CYP26B1: variants seen among roughly 807,000 people sequenced by gnomAD.
CYP26B1 encodes the protein cytochrome P450 family 26 subfamily B member 1.
Under a neutral mutation model 39.1 loss-of-function variants are expected in CYP26B1, and 8 were observed. The ratio of observed to expected loss-of-function variants is 0.20; its 90% CI spans 0.12 to 0.37. CYP26B1 has a LOEUF of 0.37. CYP26B1 is among the 10% of genes least tolerant of loss of function. The pLI is 1.00. For missense variants in CYP26B1, 615 were observed against 707.0 expected (o/e 0.87, Z 1.48); for synonymous variants, 321 against 314.3 (o/e 1.02, Z -0.23).
At position 72,147,600 on chromosome 2, in the gene CYP26B1, C is replaced by T. The variant is rs1310103482; in HGVS notation, c.204+31G>A. On this transcript the variant is annotated intron_variant, in intron 1 of 5. Transcript: ENST00000001146. This position sits in a 1 kb window ranked among gnomAD's most constrained non-coding sequence, Gnocchi z 6.1. Reference sequence around the variant, plus strand: ...GCCCCGCGCTCGCAGCTAGCGGACCCCGGAGTGCAGCGGAGCGAGCGCGCC... The same window carrying T: ...GCCCCGCGCTCGCAGCTAGCGGACCTCGGAGTGCAGCGGAGCGAGCGCGCC... The T allele has an allele frequency of 2.5e-6, 4 of 1,589,510 alleles. No homozygotes were observed. The highest frequency in any genetic ancestry group is 3.4e-6 in the Non-Finnish European group (4 of 1,170,670).
chr2:72,138,414 GACTCGGGC>G (rs1004868738), intron 2 of CYP26B1, among the ~76,000 whole-genome samples: 1 of 152,214 alleles, frequency 6.6e-6, no homozygotes, highest in Non-Finnish European at 1.5e-5. Flanking sequence ...CTGGGGTCAG[GACTCGGGC>G]ACACTGGGAA....
chr2:72,135,289 T>A lies in CYP26B1; in HGVS notation c.560A>T (p.Lys187Met), dbSNP rs777202035. Residue 187 changes from lysine (K) to methionine (M), a missense_variant, in exon 3 of 6, where the codon AAG becomes ATG. Physicochemically the swap from Lys to Met is moderately conservative, Grantham distance 95. Transcript: ENST00000001146. ...CCGGATGGCCATGCGGAAGGTCAGC[T>A]TCTGCGCCTCCTGGTACACGTTGAT... ...EAINVYQEAQ[K>M]LTFRMAIRVL... 1.2e-6 allele frequency: 2 copies of A among 1,614,078 alleles called. No homozygotes were observed. The highest frequency in any genetic ancestry group is 1.7e-6 in the Non-Finnish European group (2 of 1,180,034).
chr2:72,132,224 G>T lies in CYP26B1; in HGVS notation c.*3C>A. The T allele has an allele frequency of 6.3e-7, 1 of 1,596,788 alleles. No homozygotes were observed. The highest frequency in any genetic ancestry group is 8.5e-7 in the Non-Finnish European group (1 of 1,172,248). On this transcript the variant is annotated 3_prime_UTR_variant, in exon 6 of 6. Coordinates refer to ENST00000001146, the MANE Select transcript of CYP26B1 (RefSeq NM_019885.4). Reference sequence around the variant, plus strand: ...GGCTGGGCTGAGGCGGGTGGGTCTTGGGTTAGACTGTGGCGCTCAGCATGG... The same window carrying T: ...GGCTGGGCTGAGGCGGGTGGGTCTTTGGTTAGACTGTGGCGCTCAGCATGG...
At position 72,135,502 on chromosome 2, in the gene CYP26B1, G is replaced by GT. The variant is rs763830324; in HGVS notation, c.430-84dup. On this transcript the variant is annotated intron_variant, in intron 2 of 5. Transcript: ENST00000001146. The stretch of plus-strand genomic sequence containing the variant: ...CCCTCACTCTGCCTGAACAATGAAT[G>GT]TGACTGGAGAGAACTTCAGCTTCCA... 1.1e-4 allele frequency: 171 copies of GT among 1,572,042 alleles called. No homozygotes were observed. In the Middle Eastern group the frequency reaches 1.4e-3, roughly 13 times the overall value.
intron 5 of CYP26B1, 71 bp downstream of exon 5, chr2:72,132,952 G>C: frequency 6.2e-7 from 1 of 1,604,334 alleles, no homozygotes; most frequent in Non-Finnish European, 8.5e-7. Flanking sequence ...ATGGAGGCTG[G>C]TGCCCCGCCT....
Position 72,147,579 on chromosome 2 carries a change from C to A in CYP26B1, c.204+52G>T. ...GGCCGGCCCGCCGCTCCGTCTGCCC[C>A]GCGCTCGCAGCTAGCGGACCCCGGA... is the stretch of plus-strand genomic sequence containing the variant. On this transcript the variant is annotated intron_variant, in intron 1 of 5. Transcript: ENST00000001146. This position sits in a 1 kb window ranked among gnomAD's most constrained non-coding sequence, Gnocchi z 6.1. 6.5e-7 allele frequency: 1 copy of A among 1,541,418 alleles called. No individual in the cohort carries two copies. Among genetic ancestry groups the A allele is most frequent in the African/African-American group, 1.4e-5 (1 of 70,736 alleles).
Position 72,147,606 on chromosome 2 carries a change from T to A in CYP26B1, c.204+25A>T, listed in dbSNP as rs1426589459. 2 of 1,594,842 alleles carry A rather than the reference T, an allele frequency of 1.3e-6. No individual in the cohort carries two copies. On this transcript the variant is annotated intron_variant, in intron 1 of 5. Coordinates refer to ENST00000001146, the MANE Select transcript of CYP26B1 (RefSeq NM_019885.4). This position sits in a 1 kb window ranked among gnomAD's most constrained non-coding sequence, Gnocchi z 6.1. ...CGCTCGCAGCTAGCGGACCCCGGAG[T>A]GCAGCGGAGCGAGCGCGCCCTTACC...
chr2:72,133,461 C>T (rs983245862), intron 4 of CYP26B1, among the ~76,000 whole-genome samples, 154 bp from the exon 5 acceptor site: 2 of 152,226 alleles, frequency 1.3e-5, no homozygotes, highest in Non-Finnish European at 2.9e-5. Flanking sequence ...TTCATGTTGC[C>T]GGGGCATTAG....
chr2:72,144,169 C>T lies in CYP26B1; in HGVS notation c.249G>A (p.Val83=), dbSNP rs754278166. ...QSSRREKYGN[V]FKTHLLGRPL... ...GCCGCCCCAACAAATGCGTCTTGAA[C>T]ACGTTGCCATACTTCTCCCTCCGCG... Residue 83 remains valine (V), a synonymous_variant, in exon 2 of 6, where the codon GTG becomes GTA. Transcript: ENST00000001146. 6 of 1,608,580 alleles carry T rather than the reference C, an allele frequency of 3.7e-6. No homozygotes were observed. The highest frequency in any genetic ancestry group is 1.7e-5 in the Admixed American group (1 of 59,906).
chr2:72,133,235 G>A lies in CYP26B1; in HGVS notation c.934C>T (p.Leu312=). ...ASASTSLIMQ[L]LKHPTVLEKL... is the part of the protein sequence containing the mutation. ...TCCAGCACAGTGGGGTGCTTCAGCA[G>A]CTGCATGATGAGTGAGGTGCTGGCG... Residue 312 remains leucine, a synonymous_variant, in exon 5 of 6, where the codon CTG becomes TTG. Transcript: ENST00000001146. The A allele has an allele frequency of 1.2e-6, 2 of 1,612,202 alleles. No individual in the cohort carries two copies. The highest frequency in any genetic ancestry group is 1.7e-6 in the Non-Finnish European group (2 of 1,179,750).
At position 72,135,306 on chromosome 2, in the gene CYP26B1, C is replaced by T; in HGVS notation, c.543G>A (p.Val181=). The part of the protein sequence containing the change: ...AWSSHPEAIN[V]YQEAQKLTFR... ...AGGTCAGCTTCTGCGCCTCCTGGTA[C>T]ACGTTGATGGCCTCGGGGTGGCTGC... Residue 181 remains valine (V), a synonymous_variant, in exon 3 of 6, where the codon GTG becomes GTA. Coordinates refer to ENST00000001146, the MANE Select transcript of CYP26B1 (RefSeq NM_019885.4). 6.2e-7 allele frequency: 1 copy of T among 1,614,108 alleles called. No individual in the cohort carries two copies.
chr2:72,141,387 C>T (rs1676937983), intron 2 of CYP26B1, among the ~76,000 whole-genome samples: 1 of 152,206 alleles, frequency 6.6e-6, no homozygotes, highest in Admixed American at 6.5e-5. Context: ...AGGGCAAACA[C>T]CTGGAGTGCA....
chr2:72,147,714 G>T lies in CYP26B1; in HGVS notation c.121C>A (p.Arg41Ser). The change falls in exon 1 of 6, where the codon CGC becomes AGC. Residue 41 changes from arginine to serine, a missense_variant. Coordinates refer to ENST00000001146, the MANE Select transcript of CYP26B1 (RefSeq NM_019885.4). This position sits in a 1 kb window ranked among gnomAD's most constrained non-coding sequence, Gnocchi z 6.1. ...QLWQLRWAAT[R>S]DKSCKLPIPK... ...ATGGGCAGCTTGCAGCTCTTGTCGCGAGTGGCGGCCCAGCGCAGCTGCCAC... is the reference window on the plus strand; with the variant it reads ...ATGGGCAGCTTGCAGCTCTTGTCGCTAGTGGCGGCCCAGCGCAGCTGCCAC... 1 of 1,602,798 alleles carries T rather than the reference G, an allele frequency of 6.2e-7. No homozygotes were observed.
chr2:72,147,570 C>A lies in CYP26B1; in HGVS notation c.204+61G>T. ...GCGCCCCCTGGCCGGCCCGCCGCTC[C>A]GTCTGCCCCGCGCTCGCAGCTAGCG... On this transcript the variant is annotated intron_variant, in intron 1 of 5. Transcript: ENST00000001146. This position sits in a 1 kb window ranked among gnomAD's most constrained non-coding sequence, Gnocchi z 6.1. 1 of 1,512,946 alleles carries A rather than the reference C, an allele frequency of 6.6e-7. No homozygotes were observed. Among genetic ancestry groups the A allele is most frequent in the Non-Finnish European group, 8.9e-7 (1 of 1,128,860 alleles). 93.7% of individuals were successfully genotyped at this position (1,512,946 alleles called of 1,614,324 possible). A position where few individuals can be genotyped will look rare whatever the true frequency, so the allele number is the denominator to read the frequency against.
chr2:72,144,412 A>C, intron 1 of CYP26B1, 199 bp from the exon 2 acceptor site: 1 of 1,371,122 alleles, frequency 7.3e-7, no homozygotes, highest in Non-Finnish European at 9.4e-7. Flanking sequence ...ATAATAAATA[A>C]TGCAAGGAGG....
At position 72,131,020 on chromosome 2, in the gene CYP26B1, A is replaced by G. The variant is rs1212700411; in HGVS notation, c.*1207T>C. Reference sequence around the variant, plus strand: ...TTCAGGGCGGAGGGCAAAGGGGGAGAGTTAAGGAAGGGAAGACGGAGGCCC... The same window carrying G: ...TTCAGGGCGGAGGGCAAAGGGGGAGGGTTAAGGAAGGGAAGACGGAGGCCC... On this transcript the variant is annotated 3_prime_UTR_variant, in exon 6 of 6. Coordinates refer to ENST00000001146, the MANE Select transcript of CYP26B1 (RefSeq NM_019885.4). 4 of 152,722 alleles carry G rather than the reference A, an allele frequency of 2.6e-5. No homozygotes were observed. 9.5% of individuals were successfully genotyped at this position (152,722 alleles called of 1,614,324 possible). A position where few individuals can be genotyped will look rare whatever the true frequency, so the allele number is the denominator to read the frequency against.
rs1676710213 is a variant in CYP26B1 at position 72,134,803 on chromosome 2, G to A, written c.819C>T (p.Ser273=). 6.2e-7 allele frequency: 1 copy of A among 1,614,184 alleles called. No individual in the cohort carries two copies. Among genetic ancestry groups the A allele is most frequent in the Non-Finnish European group, 8.5e-7 (1 of 1,180,014 alleles). ...YLDALDLLIE[S]SKEHGKEMTM... ...TCATCTCCTTCCCGTGCTCCTTGCT[G>A]CTCTCAATGAGGAGGTCCAGGGCGT... The change falls in exon 4 of 6, where the codon AGC becomes AGT. Residue 273 remains serine, a synonymous_variant. Coordinates refer to ENST00000001146, the MANE Select transcript of CYP26B1 (RefSeq NM_019885.4).
Position 72,131,756 on chromosome 2 carries a change from T to A in CYP26B1, c.*471A>T, listed in dbSNP as rs1676585792. 2 of 165,426 alleles carry A rather than the reference T, an allele frequency of 1.2e-5. No homozygotes were observed. Among genetic ancestry groups the A allele is most frequent in the South Asian group, 3.4e-4 (2 of 5,814 alleles). 10.2% of individuals were successfully genotyped at this position (165,426 alleles called of 1,614,324 possible). A position where few individuals can be genotyped will look rare whatever the true frequency, so the allele number is the denominator to read the frequency against. ...CCCGCCCCGCCAAGGTTGACTCCTG[T>A]TCTGCTACCCAGGATGCTGTTCCTG... On this transcript the variant is annotated 3_prime_UTR_variant, in exon 6 of 6. Transcript: ENST00000001146.
chr2:72,132,190 C>T lies in CYP26B1; in HGVS notation c.*37G>A, dbSNP rs556645871. ...TTTCTACCTCCCACAACCACCACCCCGCTGCCTGGGCTGGGCTGAGGCGGG... is the reference window on the plus strand; with the variant it reads ...TTTCTACCTCCCACAACCACCACCCTGCTGCCTGGGCTGGGCTGAGGCGGG... On this transcript the variant is annotated 3_prime_UTR_variant, in exon 6 of 6. Coordinates refer to ENST00000001146, the MANE Select transcript of CYP26B1 (RefSeq NM_019885.4). 54 of 1,580,758 alleles carry T rather than the reference C, an allele frequency of 3.4e-5. No homozygotes were observed. The East Asian group carries it at 3.7e-4, about 11-fold the overall frequency.
Sources: allele counts gnomAD v4.1 joint callset (sites outside exome capture counted in the v4.1 genomes callset), GRCh38; gene constraint gnomAD v4.1.1; non-coding constraint Gnocchi (gnomAD v3.1); transcripts MANE v1.5; gene names NCBI Gene and HGNC (gene_info 2026-07-23, HGNC 2026-07-21).